Variants in TSPAN9 observed in about 807,000 individuals in gnomAD.
The protein encoded by TSPAN9 is tetraspanin 9, also known as tetraspanin-9.
Under a neutral mutation model 31.0 loss-of-function variants are expected in TSPAN9, and 16 were observed. That is an observed-to-expected ratio of 0.52 (90% CI 0.35 to 0.78). The LOEUF (loss-of-function observed/expected upper bound fraction) is 0.78, where lower values mean the gene tolerates loss of function less well. TSPAN9 is among the 30% of genes least tolerant of loss of function. The probability of loss-of-function intolerance (pLI) is 0.01; values close to 1 mark genes in which losing one functional copy is unlikely to be tolerated. For synonymous variants in TSPAN9, 145 were observed against 121.6 expected (o/e 1.19, Z -1.27); for missense variants, 272 against 312.5 (o/e 0.87, Z 0.98).
intron 2 of TSPAN9, among the ~76,000 whole-genome samples, chr12:3,190,510 TACTC>T (rs1413462215): frequency 6.6e-6 from 1 of 152,246 alleles, no homozygotes; most frequent in East Asian, 1.9e-4. Context: ...CAGTGGCTCT[TACTC>T]CAGGCCCTTT....
At chr12:3,239,428 T>C (rs2098395442) in intron 3 of TSPAN9, among the ~76,000 whole-genome samples, 1 of 152,160 alleles carries the variant, frequency 6.6e-6, no homozygotes, top group African/African-American at 2.4e-5. Flanking sequence ...CTCTTGGTCT[T>C]AACTTTTACC....
chr12:3,253,154 C>T lies in TSPAN9; in HGVS notation c.64-25267C>T, dbSNP rs185382976. Among the ~76,000 whole-genome samples the T allele has an allele frequency of 3.9e-5, 6 of 152,288 alleles. No individual in the cohort carries two copies. The East Asian group carries it at 7.7e-4, about 20-fold the overall frequency. ...GTTCTGGGATGGCTACAGAGCCTGT[C>T]GTACTGCTTCATGTATTACAGTCTC... On this transcript the variant is annotated intron_variant, in intron 3 of 8. Transcript: ENST00000011898.
chr12:3,158,538 A>G (rs953739679), intron 2 of TSPAN9, among the ~76,000 whole-genome samples: 2 of 152,134 alleles, frequency 1.3e-5, no homozygotes, highest in Non-Finnish European at 2.9e-5. Flanking sequence ...CCTGGCCAGC[A>G]TGGTGAAATC....
At chr12:3,101,918 T>A (rs1028962652) in intron 2 of TSPAN9, among the ~76,000 whole-genome samples, 3 of 152,206 alleles carry the variant, frequency 2.0e-5, no homozygotes, top group Non-Finnish European at 2.9e-5. Flanking sequence ...ACTGTCACCC[T>A]TGATCTGTTC....
chr12:3,268,304 T>A (rs1452604298), intron 3 of TSPAN9, among the ~76,000 whole-genome samples: 3 of 133,814 alleles, frequency 2.2e-5, no homozygotes, highest in Admixed American at 1.5e-4. Flanking sequence ...CCCTCTGTGT[T>A]CCTGCAGCCT....
intron 2 of TSPAN9, among the ~76,000 whole-genome samples, chr12:3,166,630 T>C (rs1458981754): frequency 6.6e-6 from 1 of 152,208 alleles, no homozygotes; most frequent in Non-Finnish European, 1.5e-5. Flanking sequence ...TTGATGAATT[T>C]TTATAGAGAA....
intron 2 of TSPAN9, among the ~76,000 whole-genome samples, chr12:3,160,513 G>A (rs967938138): frequency 9.9e-5 from 15 of 152,194 alleles, no homozygotes; most frequent in Admixed American, 1.3e-4. Context: ...AGGAACCACC[G>A]AACTGGTTTC....
intron 2 of TSPAN9, among the ~76,000 whole-genome samples, chr12:3,129,233 C>T (rs1239488861): frequency 1.3e-5 from 2 of 152,096 alleles, no homozygotes; most frequent in African/African-American, 4.8e-5. Flanking sequence ...AATCGAGTGC[C>T]CACTCTTCTC....
chr12:3,262,011 C>T (rs1375573597), intron 3 of TSPAN9, among the ~76,000 whole-genome samples: 3 of 152,242 alleles, frequency 2.0e-5, no homozygotes, highest in Admixed American at 6.5e-5. Flanking sequence ...CAACAGAGGT[C>T]AGAGTTTCCT....
chr12:3,256,468 T>A (rs975665627), intron 3 of TSPAN9, among the ~76,000 whole-genome samples: 1 of 152,200 alleles, frequency 6.6e-6, no homozygotes, highest in African/African-American at 2.4e-5. Flanking sequence ...AGGTGTCTGG[T>A]TCCCCCCAGA....
At position 3,107,695 on chromosome 12, in the gene TSPAN9, A is replaced by C. The variant is rs2098315370; in HGVS notation, c.-18+23976A>C. Among the ~76,000 whole-genome samples, 1 of 152,206 alleles carries C rather than the reference A, an allele frequency of 6.6e-6. No individual in the cohort carries two copies. Among genetic ancestry groups the C allele is most frequent in the South Asian group, 2.1e-4 (1 of 4,832 alleles). ...ACGCCCAGAGACAGCCTTTTGCTTC[A>C]GTGTCCTCATTCTTCAGGCTCAGAT... On this transcript the variant is annotated intron_variant, in intron 2 of 8. Coordinates refer to ENST00000011898, the MANE Select transcript of TSPAN9 (RefSeq NM_006675.5). This position sits in a 1 kb window ranked among gnomAD's most constrained non-coding sequence, Gnocchi z 4.1.
intron 3 of TSPAN9, among the ~76,000 whole-genome samples, chr12:3,231,492 G>A (rs74680751): frequency 0.03 from 4,561 of 152,252 alleles, 215 homozygotes; most frequent in African/African-American, 0.1. Context: ...AGATGCCGTC[G>A]GCAGAGACTG....
At position 3,168,979 on chromosome 12, in the gene TSPAN9, G is replaced by A. The variant is rs1228794520; in HGVS notation, c.-17-32198G>A. Reference sequence around the variant, plus strand: ...TTAAACGGAGCTGGGAACATGAAGTGTGTGTACGCTTCTCTTTTCGTCATT... The same window carrying A: ...TTAAACGGAGCTGGGAACATGAAGTATGTGTACGCTTCTCTTTTCGTCATT... On this transcript the variant is annotated intron_variant, in intron 2 of 8. Coordinates refer to ENST00000011898, the MANE Select transcript of TSPAN9 (RefSeq NM_006675.5). This position sits in a 1 kb window ranked among gnomAD's most constrained non-coding sequence, Gnocchi z 4.0. 1.3e-5 allele frequency among the ~76,000 whole-genome samples: 2 copies of A among 152,212 alleles called. No individual in the cohort carries two copies. The highest frequency in any genetic ancestry group is 2.9e-5 in the Non-Finnish European group (2 of 68,040).
At chr12:3,163,457 A>G (rs2098346576) in intron 2 of TSPAN9, among the ~76,000 whole-genome samples, 1 of 152,092 alleles carries the variant, frequency 6.6e-6, no homozygotes, top group Non-Finnish European at 1.5e-5. Flanking sequence ...TTCTGTTCTC[A>G]TTTTATGTCA....
At chr12:3,122,927 A>G (rs1239548573) in intron 2 of TSPAN9, among the ~76,000 whole-genome samples, 5 of 152,152 alleles carry the variant, frequency 3.3e-5, no homozygotes, top group African/African-American at 1.2e-4. Context: ...GTTTTGCCCC[A>G]GGCACTTGGA....
intron 4 of TSPAN9, 61 bp downstream of exon 4, chr12:3,278,673 G>A (rs1862841047): frequency 6.4e-7 from 1 of 1,571,412 alleles, no homozygotes; most frequent in African/African-American, 1.4e-5. Flanking sequence ...TTGGACCCCT[G>A]GGACAGGCAA....
chr12:3,201,129 G>A, intron 2 of TSPAN9, 48 bp from the exon 3 acceptor site: 2 of 1,523,506 alleles, frequency 1.3e-6, no homozygotes, highest in East Asian at 2.3e-5. Context: ...CCCAAAGGCA[G>A]CAAGTACGTG....
At chr12:3,119,485 G>A (rs2098324085) in intron 2 of TSPAN9, among the ~76,000 whole-genome samples, 1 of 152,202 alleles carries the variant, frequency 6.6e-6, no homozygotes. Flanking sequence ...CCTTCCAGGA[G>A]CTCCGTTGTG....
chr12:3,168,850 C>T lies in TSPAN9; in HGVS notation c.-17-32327C>T, dbSNP rs934294641. On this transcript the variant is annotated intron_variant, in intron 2 of 8. Transcript: ENST00000011898. The surrounding 1 kb of genome is among the most constrained non-coding windows in gnomAD (Gnocchi z 4.0). ...CAGATGCGCTGCCTCGATGGCCCCG[C>T]CTCCCTCCCGGCCAGTGTGGGCGTG... Among the ~76,000 whole-genome samples the T allele has an allele frequency of 6.6e-6, 1 of 152,202 alleles. No homozygotes were observed. The highest frequency in any genetic ancestry group is 2.4e-5 in the African/African-American group (1 of 41,444).
Sources: allele counts gnomAD v4.1 joint callset (sites outside exome capture counted in the v4.1 genomes callset), GRCh38; gene constraint gnomAD v4.1.1; non-coding constraint Gnocchi (gnomAD v3.1); transcripts MANE v1.5; gene names NCBI Gene and HGNC (gene_info 2026-07-23, HGNC 2026-07-21).